FARS2: variants seen among roughly 807,000 people sequenced by gnomAD.
FARS2 encodes phenylalanyl-tRNA synthetase 2, mitochondrial, also known as phenylalanine--tRNA ligase, mitochondrial.
In FARS2, 40 loss-of-function variants were observed where a neutral mutation model predicts 46.4. That is an observed-to-expected ratio of 0.86 (90% CI 0.67 to 1.12). The LOEUF is 1.12. FARS2 is among the 50% of genes most tolerant of loss of function. The pLI, the probability that FARS2 is intolerant of heterozygous loss-of-function variation, is 0.00. For synonymous variants in FARS2, 234 were observed against 214.9 expected (o/e 1.09, Z -0.78); for missense variants, 513 against 567.9 (o/e 0.90, Z 0.98).
At chr6:5,412,478 A>C (rs933331579) in intron 3 of FARS2, among the ~76,000 whole-genome samples, 3 of 152,218 alleles carry the variant, frequency 2.0e-5, no homozygotes, top group Admixed American at 2.0e-4. Context: ...CCCAACCTGC[A>C]TAGGGACCTA....
intron 3 of FARS2, among the ~76,000 whole-genome samples, chr6:5,421,052 C>T (rs1333667004): frequency 2.0e-5 from 3 of 152,198 alleles, no homozygotes. Context: ...AGAGGTTCTC[C>T]ATGAGAACTC....
intron 6 of FARS2, among the ~76,000 whole-genome samples, chr6:5,705,878 C>T (rs77522280): frequency 0.011 from 1,641 of 152,254 alleles, 29 homozygotes; most frequent in African/African-American, 0.037. Flanking sequence ...CAGTTGCCTG[C>T]GCTCGCTGCC....
chr6:5,609,817 A>G (rs1179388321), intron 5 of FARS2: 1 of 1,179,226 alleles, frequency 8.5e-7, no homozygotes, highest in Admixed American at 1.7e-5. Flanking sequence ...ACTGTTCAAA[A>G]TAATCTCTTC....
chr6:5,761,798 G>A (rs1762487336), intron 6 of FARS2, among the ~76,000 whole-genome samples: 2 of 143,832 alleles, frequency 1.4e-5, no homozygotes, highest in Admixed American at 6.9e-5. Context: ...AGCATTAAGA[G>A]TGGAGGATCT....
intron 4 of FARS2, among the ~76,000 whole-genome samples, chr6:5,481,219 G>A (rs34462694): frequency 1.3e-5 from 2 of 152,158 alleles, no homozygotes; most frequent in Non-Finnish European, 2.9e-5. Context: ...GGAGCCCTCC[G>A]TGTGTTCCTG....
At chr6:5,377,768 A>T (rs1759477204) in intron 2 of FARS2, among the ~76,000 whole-genome samples, 1 of 152,072 alleles carries the variant, frequency 6.6e-6, no homozygotes, top group Admixed American at 6.5e-5. Flanking sequence ...CTGTTCTAGG[A>T]TGATTTCCTT....
At chr6:5,664,700 T>A (rs181642733) in intron 6 of FARS2, among the ~76,000 whole-genome samples, 15 of 152,344 alleles carry the variant, frequency 9.8e-5, no homozygotes, top group Admixed American at 2.0e-4. Context: ...ATGTTGAGGA[T>A]GGATCTCATC....
At position 5,374,192 on chromosome 6, in the gene FARS2, A is replaced by G. The variant is rs578187524; in HGVS notation, c.612+5010A>G. On this transcript the variant is annotated intron_variant, in intron 2 of 6. Coordinates refer to ENST00000274680, the MANE Select transcript of FARS2 (RefSeq NM_006567.5). ...GTTAATTATTGAAACTGGGTGTTGG[A>G]TGCAGAGAAATCATCATCCTTTCTA... Among the ~76,000 whole-genome samples the G allele has an allele frequency of 2.6e-5, 4 of 152,254 alleles. No homozygotes were observed. The East Asian group carries it at 7.7e-4, about 29-fold the overall frequency.
At chr6:5,410,281 G>A (rs909965084) in intron 3 of FARS2, among the ~76,000 whole-genome samples, 4 of 151,170 alleles carry the variant, frequency 2.6e-5, no homozygotes, top group South Asian at 2.1e-4. Flanking sequence ...AGCCTCCCAC[G>A]TAGCTGGGAT....
intron 6 of FARS2, among the ~76,000 whole-genome samples, chr6:5,718,163 C>T (rs1759650365): frequency 1.3e-5 from 2 of 152,170 alleles, no homozygotes; most frequent in African/African-American, 4.8e-5. Context: ...ATCCACCTGC[C>T]TCAGCCTCCC....
At chr6:5,269,158 A>G (rs1476931988) in intron 1 of FARS2, among the ~76,000 whole-genome samples, 1 of 152,248 alleles carries the variant, frequency 6.6e-6, no homozygotes, top group African/African-American at 2.4e-5. Flanking sequence ...CTATGCAGCC[A>G]TAAAAACGGA....
intron 4 of FARS2, among the ~76,000 whole-genome samples, chr6:5,477,897 G>A (rs1488701572): frequency 3.3e-5 from 5 of 152,070 alleles, no homozygotes; most frequent in Admixed American, 6.5e-5. Context: ...GTGTGTACCT[G>A]TAGTCCCAGC....
intron 1 of FARS2, among the ~76,000 whole-genome samples, chr6:5,268,929 G>A (rs9405817): frequency 0.8 from 122,376 of 152,064 alleles, 49,807 homozygotes; most frequent in African/African-American, 0.93. Context: ...ATCCCTTGTA[G>A]GTTGGATTCC....
intron 1 of FARS2, among the ~76,000 whole-genome samples, chr6:5,355,901 T>C (rs1757890422): frequency 6.6e-6 from 1 of 152,192 alleles, no homozygotes; most frequent in African/African-American, 2.4e-5. Context: ...TACTTGTGAA[T>C]TTGCCTGCTC....
intron 1 of FARS2, among the ~76,000 whole-genome samples, chr6:5,353,672 C>T (rs557876499): frequency 3.6e-5 from 5 of 140,318 alleles, no homozygotes; most frequent in African/African-American, 1.3e-4. Flanking sequence ...ATCTGTTGGC[C>T]ATTTGTATGT....
intron 3 of FARS2, among the ~76,000 whole-genome samples, chr6:5,422,519 G>A (rs1318699031): frequency 6.6e-6 from 1 of 152,194 alleles, no homozygotes; most frequent in Admixed American, 6.5e-5. Flanking sequence ...GTGGAGGGCA[G>A]CATGGGGCTG....
chr6:5,250,945 C>T, the FARS2 span, among the ~76,000 whole-genome samples: 9 of 152,152 alleles, frequency 5.9e-5, no homozygotes, highest in Admixed American at 3.9e-4. Flanking sequence ...TTCTGTAATA[C>T]GATATATGAC....
At chr6:5,435,028 C>G (rs892242890) in intron 4 of FARS2, among the ~76,000 whole-genome samples, 3 of 152,060 alleles carry the variant, frequency 2.0e-5, no homozygotes, top group Non-Finnish European at 4.4e-5. Context: ...AACAAGGTTC[C>G]CAGGTAGATG....
intron 4 of FARS2, among the ~76,000 whole-genome samples, chr6:5,509,073 T>C (rs1288952399): frequency 6.6e-6 from 1 of 152,240 alleles, no homozygotes; most frequent in Non-Finnish European, 1.5e-5. Context: ...CGTGTGGCTG[T>C]GTTTGCCCCA....
Sources: allele counts gnomAD v4.1 joint callset (sites outside exome capture counted in the v4.1 genomes callset), GRCh38; gene constraint gnomAD v4.1.1; transcripts MANE v1.5; gene names NCBI Gene and HGNC (gene_info 2026-07-23, HGNC 2026-07-21).